The following CCSER1 variants were observed in gnomAD, a reference collection of about 807,000 sequenced individuals.
CCSER1 encodes the protein coiled-coil serine rich protein 1, also known as serine-rich coiled-coil domain-containing protein 1.
A neutral mutation model predicts 82.0 loss-of-function variants in CCSER1; 41 were observed. The observed-to-expected ratio is 0.50, with a 90% CI of 0.39 to 0.65. The LOEUF is 0.65. CCSER1 is among the 30% of genes least tolerant of loss of function. The pLI is 0.00. For missense variants in CCSER1, 1,119 were observed against 1,064.2 expected, an observed-to-expected ratio of 1.05 and a Z score of -0.72; for synonymous variants, 414 against 383.9, an observed-to-expected ratio of 1.08 and a Z score of -0.92.
At chr4:91,087,747 C>A (rs1444108902) in intron 10 of CCSER1, among the ~76,000 whole-genome samples, 1 of 152,060 alleles carries the variant, frequency 6.6e-6, no homozygotes, top group Non-Finnish European at 1.5e-5. Context: ...AATTCATGAC[C>A]AGAAAGTAAA....
chr4:90,690,018 GAAT>G lies in CCSER1; in HGVS notation c.1933-33893_1933-33891del, dbSNP rs140327614. The stretch of plus-strand genomic sequence containing the variant: ...GGTGTAAGCCTTTCAAAGCAAACAA[GAAT>G]AAACTTGGGCCAGGTATGCACAGAG... On this transcript the variant is annotated intron_variant, in intron 6 of 10. Coordinates refer to ENST00000509176, the MANE Select transcript of CCSER1 (RefSeq NM_001145065.2). 8.9e-4 allele frequency among the ~76,000 whole-genome samples: 135 copies of G among 152,178 alleles called. 2 individuals are homozygous for G. The highest frequency in any genetic ancestry group is 3.9e-3 in the East Asian group (20 of 5,164).
intron 10 of CCSER1, among the ~76,000 whole-genome samples, chr4:91,258,591 G>T (rs1382742791): frequency 1.3e-5 from 2 of 151,994 alleles, no homozygotes; most frequent in Non-Finnish European, 2.9e-5. Context: ...TATTATCTTT[G>T]TGTTTAAGGC....
At chr4:90,326,144 C>T (rs548592158) in intron 3 of CCSER1, among the ~76,000 whole-genome samples, 31 of 150,276 alleles carry the variant, frequency 2.1e-4, no homozygotes, top group South Asian at 1.7e-3. Flanking sequence ...CTGCAAGCTC[C>T]GCCTCCCAGG....
At position 91,339,425 on chromosome 4, in the gene CCSER1, A is replaced by G. The variant is rs145329542; in HGVS notation, c.2217+253431A>G. On this transcript the variant is annotated intron_variant, in intron 10 of 10. Transcript: ENST00000509176. ...TTTTAAGTGAAAGAAAAAAAACCCT[A>G]TAGTTACTTTATCCGAGTTAATATG... Among the ~76,000 whole-genome samples, 8 of 152,312 alleles carry G rather than the reference A, an allele frequency of 5.3e-5. No homozygotes were observed. The East Asian group carries it at 1.3e-3, about 26-fold the overall frequency.
chr4:90,503,954 G>C (rs1201252786), intron 5 of CCSER1, among the ~76,000 whole-genome samples: 2 of 151,986 alleles, frequency 1.3e-5, no homozygotes, highest in Non-Finnish European at 2.9e-5. Context: ...TTTAGGACAA[G>C]AATTTACCAC....
rs1235178343 is a variant in CCSER1, at chr4:91,599,062, A to C, written c.*5A>C. The C allele has an allele frequency of 9.1e-6, 14 of 1,531,388 alleles. No homozygotes were observed. The highest frequency in any genetic ancestry group is 1.1e-5 in the Non-Finnish European group (12 of 1,133,910). The allele number at this position is 1,531,388 out of a possible 1,614,324, so 94.9% of individuals were successfully genotyped here. On this transcript the variant is annotated 3_prime_UTR_variant, in exon 11 of 11. Transcript: ENST00000509176. ...CTAGGCCAGCAGGATGGGTAATTAAATCACCGTATTCCTGTCTTTGGGTAG... is the reference window on the plus strand; with the variant it reads ...CTAGGCCAGCAGGATGGGTAATTAACTCACCGTATTCCTGTCTTTGGGTAG...
chr4:91,044,983 TCTAC>T (rs1296185745), intron 9 of CCSER1, among the ~76,000 whole-genome samples: 1 of 152,208 alleles, frequency 6.6e-6, no homozygotes, highest in Non-Finnish European at 1.5e-5. Context: ...ACTTATTGGC[TCTAC>T]CTCTTGATCT....
chr4:90,190,516 A>G (rs1461867678), intron 1 of CCSER1, among the ~76,000 whole-genome samples: 3 of 152,084 alleles, frequency 2.0e-5, no homozygotes, highest in Non-Finnish European at 4.4e-5. Context: ...CAGCTCTCAA[A>G]TATTCCTCCT....
At chr4:91,392,363 G>GCACACACGCACACACACACACACA (rs58770768) in intron 10 of CCSER1, among the ~76,000 whole-genome samples, 5 of 148,114 alleles carry the variant, frequency 3.4e-5, no homozygotes, top group Admixed American at 6.8e-5. Flanking sequence ...ACCTACACAT[G>GCACACACGCACACACACACACACA]CACACACACA....
At chr4:90,862,367 C>T (rs1765214239) in intron 8 of CCSER1, among the ~76,000 whole-genome samples, 1 of 151,886 alleles carries the variant, frequency 6.6e-6, no homozygotes, top group Non-Finnish European at 1.5e-5. Flanking sequence ...AAGTCAATTA[C>T]TCTCTAATGA....
intron 5 of CCSER1, among the ~76,000 whole-genome samples, chr4:90,510,475 A>T (rs1241702465): frequency 1.3e-5 from 2 of 152,242 alleles, no homozygotes; most frequent in Non-Finnish European, 2.9e-5. Flanking sequence ...CCCTTGGAAC[A>T]TACATTTCAA....
At chr4:91,196,885 C>T (rs575941434) in intron 10 of CCSER1, among the ~76,000 whole-genome samples, 6 of 152,336 alleles carry the variant, frequency 3.9e-5, no homozygotes, top group African/African-American at 1.2e-4. Flanking sequence ...ACAACTATTA[C>T]TCTTTAGATA....
chr4:91,553,834 G>A (rs1034815804), intron 10 of CCSER1, among the ~76,000 whole-genome samples: 2 of 149,030 alleles, frequency 1.3e-5, no homozygotes, highest in South Asian at 2.1e-4. Context: ...TCTAGCTAAA[G>A]GTTTATCAAT....
chr4:90,724,042 T>G, intron 7 of CCSER1, 51 bp downstream of exon 7: 1 of 1,105,964 alleles, frequency 9.0e-7, no homozygotes, highest in Non-Finnish European at 1.3e-6. Context: ...GGATAGTTAA[T>G]AAATAGTTTA....
intron 5 of CCSER1, among the ~76,000 whole-genome samples, chr4:90,617,171 G>A (rs59741889): frequency 0.041 from 6,196 of 152,092 alleles, 407 homozygotes; most frequent in African/African-American, 0.14. Context: ...ATAAAACAAC[G>A]TAGTACGATT....
intron 10 of CCSER1, among the ~76,000 whole-genome samples, chr4:91,412,553 C>A (rs76890934): frequency 6.6e-5 from 10 of 152,006 alleles, no homozygotes; most frequent in Non-Finnish European, 1.5e-4. Context: ...GAAGTCCAAC[C>A]CACCCAGGGA....
In CCSER1 at chr4:90,740,710, A is replaced by T. The variant is rs542365694; in HGVS notation, c.2010+16719A>T. On this transcript the variant is annotated intron_variant, in intron 7 of 10. Coordinates refer to ENST00000509176, the MANE Select transcript of CCSER1 (RefSeq NM_001145065.2). ...TTCACACATTCATTTTCTGTCTTAAATTTAAATTTCAATTAGTTTTTCATT... is the reference window on the plus strand; with the variant it reads ...TTCACACATTCATTTTCTGTCTTAATTTTAAATTTCAATTAGTTTTTCATT... Among the ~76,000 whole-genome samples the T allele has an allele frequency of 2.0e-5, 3 of 152,222 alleles. No individual in the cohort carries two copies. In the South Asian group the frequency reaches 6.2e-4, roughly 32 times the overall value.
At chr4:90,439,476 A>G (rs1009185434) in intron 4 of CCSER1, among the ~76,000 whole-genome samples, 1 of 152,332 alleles carries the variant, frequency 6.6e-6, no homozygotes, top group African/African-American at 2.4e-5. Context: ...GCAAAAGACT[A>G]TACTTCTAAT....
chr4:91,473,474 A>AC (rs1757399208), intron 10 of CCSER1, among the ~76,000 whole-genome samples: 1 of 152,108 alleles, frequency 6.6e-6, no homozygotes, highest in Non-Finnish European at 1.5e-5. Flanking sequence ...TTTCTTAGTC[A>AC]CAGGGGTGTT....
Sources: allele counts gnomAD v4.1 joint callset (sites outside exome capture counted in the v4.1 genomes callset), GRCh38; gene constraint gnomAD v4.1.1; transcripts MANE v1.5; gene names NCBI Gene and HGNC (gene_info 2026-07-23, HGNC 2026-07-21).